The following GRM8 variants were observed in gnomAD, a reference collection of about 807,000 sequenced individuals.
GRM8 encodes glutamate metabotropic receptor 8.
A neutral mutation model predicts 87.2 loss-of-function variants in GRM8; 47 were observed. That is an observed-to-expected ratio of 0.54 (90% CI 0.43 to 0.69). The LOEUF is 0.69. GRM8 is among the 30% of genes least tolerant of loss of function. The probability of loss-of-function intolerance (pLI) is 0.00; values close to 1 mark genes in which losing one functional copy is unlikely to be tolerated. For synonymous variants in GRM8, 396 were observed against 404.5 expected, an observed-to-expected ratio of 0.98 and a Z score of 0.25; for missense variants, 1,019 against 1,139.2, an observed-to-expected ratio of 0.89 and a Z score of 1.52.
At chr7:126,482,798 A>G (rs960362701) in intron 9 of GRM8, among the ~76,000 whole-genome samples, 4 of 152,036 alleles carry the variant, frequency 2.6e-5, no homozygotes, top group Admixed American at 2.6e-4. Context: ...AGTAAATTTT[A>G]TCTTCTGTGT....
intron 7 of GRM8, among the ~76,000 whole-genome samples, chr7:126,646,438 C>A (rs1803101341): frequency 6.6e-6 from 1 of 152,204 alleles, no homozygotes; most frequent in Non-Finnish European, 1.5e-5. Flanking sequence ...ACTATCTCCA[C>A]TCACTAACCC....
At chr7:126,730,942 C>G (rs1468110240) in intron 7 of GRM8, among the ~76,000 whole-genome samples, 2 of 152,042 alleles carry the variant, frequency 1.3e-5, no homozygotes, top group South Asian at 2.1e-4. Context: ...TCTCTTTTCT[C>G]GAATATAATT....
chr7:126,911,481 T>C (rs1303418303), intron 3 of GRM8, among the ~76,000 whole-genome samples: 2 of 152,262 alleles, frequency 1.3e-5, no homozygotes, highest in Non-Finnish European at 2.9e-5. Context: ...GGGTGCCAAT[T>C]GTTAAGCAAA....
chr7:126,621,521 T>A (rs1800173248), intron 7 of GRM8, among the ~76,000 whole-genome samples: 1 of 152,036 alleles, frequency 6.6e-6, no homozygotes, highest in Admixed American at 6.6e-5. Context: ...CAGGTTCAAG[T>A]GATTCTCCTG....
chr7:126,560,756 TTGA>T (rs1793608301), intron 8 of GRM8, among the ~76,000 whole-genome samples: 1 of 152,216 alleles, frequency 6.6e-6, no homozygotes, highest in African/African-American at 2.4e-5. Flanking sequence ...AATTCTGAAG[TTGA>T]TGACATTTAG....
At chr7:126,794,406 A>T (rs2151685505) in intron 6 of GRM8, among the ~76,000 whole-genome samples, 1 of 152,170 alleles carries the variant, frequency 6.6e-6, no homozygotes, top group African/African-American at 2.4e-5. Context: ...TGGGGTCCTT[A>T]AAGTTAACAT....
intron 2 of GRM8, among the ~76,000 whole-genome samples, chr7:127,170,520 A>G (rs904372155): frequency 6.6e-6 from 1 of 152,232 alleles, no homozygotes; most frequent in Non-Finnish European, 1.5e-5. Context: ...AAGTCATTAC[A>G]TAAAAAAGAT....
chr7:126,943,317 C>T (rs1304775696), intron 3 of GRM8, among the ~76,000 whole-genome samples: 1 of 152,176 alleles, frequency 6.6e-6, no homozygotes, highest in Non-Finnish European at 1.5e-5. Context: ...TTTTCTCTCT[C>T]CACTACCCAG....
chr7:126,717,488 A>G (rs1043375179), intron 7 of GRM8, among the ~76,000 whole-genome samples: 29 of 152,252 alleles, frequency 1.9e-4, no homozygotes, highest in African/African-American at 6.3e-4. Context: ...ACATACAACT[A>G]TGGACTTTGG....
At chr7:126,514,018 C>A (rs899441381) in intron 9 of GRM8, among the ~76,000 whole-genome samples, 2 of 152,106 alleles carry the variant, frequency 1.3e-5, no homozygotes, top group Non-Finnish European at 2.9e-5. Flanking sequence ...CTCATTTGTG[C>A]AATCATGCAT....
intron 3 of GRM8, among the ~76,000 whole-genome samples, chr7:126,913,978 CT>C (rs2131311123): frequency 6.6e-6 from 1 of 152,286 alleles, no homozygotes; most frequent in East Asian, 1.9e-4. Context: ...ACATTTTATA[CT>C]TTTTCCTCTA....
chr7:126,846,887 C>T (rs565201442), intron 6 of GRM8, among the ~76,000 whole-genome samples: 2 of 152,132 alleles, frequency 1.3e-5, no homozygotes, highest in Non-Finnish European at 2.9e-5. Flanking sequence ...ATCAAAAACA[C>T]AATTCCTACC....
chr7:126,694,691 T>A (rs1809189464), intron 7 of GRM8, among the ~76,000 whole-genome samples: 2 of 152,206 alleles, frequency 1.3e-5, no homozygotes, highest in African/African-American at 2.4e-5. Flanking sequence ...AGATCTACAT[T>A]TCTCCTCTGG....
intron 6 of GRM8, among the ~76,000 whole-genome samples, chr7:126,812,583 G>A (rs1781988498): frequency 6.6e-6 from 1 of 152,026 alleles, no homozygotes; most frequent in Admixed American, 6.6e-5. Flanking sequence ...AGGAGGATAT[G>A]TGTAGATTAT....
intron 3 of GRM8, among the ~76,000 whole-genome samples, chr7:126,965,650 C>A (rs990240191): frequency 1.3e-5 from 2 of 152,076 alleles, no homozygotes; most frequent in Admixed American, 1.3e-4. Flanking sequence ...GGAGTTCCTA[C>A]ACCCTCTCTA....
At chr7:126,481,753 T>G (rs1230336531) in intron 9 of GRM8, among the ~76,000 whole-genome samples, 1 of 152,066 alleles carries the variant, frequency 6.6e-6, no homozygotes, top group Non-Finnish European at 1.5e-5. Flanking sequence ...AAGAGGATAT[T>G]AATGGAAAAA....
intron 3 of GRM8, chr7:127,076,170 A>G: frequency 2.2e-6 from 1 of 456,668 alleles, no homozygotes; most frequent in Non-Finnish European, 4.4e-6. Flanking sequence ...AAATTGGTAA[A>G]CAACTTGACA....
chr7:127,107,267 A>G (rs1250267809), intron 2 of GRM8, among the ~76,000 whole-genome samples: 2 of 152,222 alleles, frequency 1.3e-5, no homozygotes, highest in African/African-American at 4.8e-5. Flanking sequence ...TGATATAATC[A>G]GAGTGCCACA....
chr7:126,943,657 C>T (rs542790745), intron 3 of GRM8, among the ~76,000 whole-genome samples: 3 of 152,250 alleles, frequency 2.0e-5, no homozygotes, highest in Non-Finnish European at 4.4e-5. Flanking sequence ...AAGGTGAAAC[C>T]TTATCCATTT....
Sources: gnomAD v4.1 joint callset for allele counts (sites outside exome capture counted in the v4.1 genomes callset) on GRCh38, gnomAD v4.1.1 for gene constraint, MANE v1.5 for transcripts, NCBI Gene and HGNC (gene_info 2026-07-23, HGNC 2026-07-21) for gene names.